The following CPNE8 variants were observed in gnomAD, a reference collection of about 807,000 sequenced individuals.
CPNE8 encodes copine-8.
Under a neutral mutation model 81.5 loss-of-function variants are expected in CPNE8, and 45 were observed. The ratio of observed to expected loss-of-function variants is 0.55; its 90% CI spans 0.44 to 0.71. The LOEUF is 0.71. Ranked by LOEUF, CPNE8 falls within the 30% of genes least tolerant of loss-of-function variation. The pLI, the probability that CPNE8 is intolerant of heterozygous loss-of-function variation, is 0.00. For missense variants in CPNE8, 594 were observed against 672.1 expected, an observed-to-expected ratio of 0.88 and a Z score of 1.28; for synonymous variants, 252 against 226.3, an observed-to-expected ratio of 1.11 and a Z score of -1.02.
chr12:38,837,124 G>C (rs977238130), intron 5 of CPNE8, among the ~76,000 whole-genome samples: 4 of 152,098 alleles, frequency 2.6e-5, no homozygotes, highest in African/African-American at 9.7e-5. Flanking sequence ...CGGTAGAAAA[G>C]TAATGAGAAT....
intron 13 of CPNE8, chr12:38,720,627 G>T (rs1436074751): frequency 1.3e-5 from 2 of 151,916 alleles, no homozygotes; most frequent in African/African-American, 2.4e-5. Flanking sequence ...TATAAAGAAG[G>T]TGCTAAGGGA....
intron 10 of CPNE8, among the ~76,000 whole-genome samples, chr12:38,748,871 T>C (rs997203898): frequency 1.1e-4 from 16 of 152,218 alleles, no homozygotes; most frequent in South Asian, 2.1e-4. Context: ...CAGCATTGGG[T>C]AATATATATT....
At chr12:38,760,949 G>C in intron 9 of CPNE8, 61 bp from the exon 10 acceptor site, 1 of 1,225,368 alleles carries the variant, frequency 8.2e-7, no homozygotes, top group Non-Finnish European at 1.1e-6. Context: ...ATGTATGGTT[G>C]AGAATTTAAA....
chr12:38,803,753 GA>G (rs1942748508), intron 6 of CPNE8, among the ~76,000 whole-genome samples: 1 of 142,588 alleles, frequency 7.0e-6, no homozygotes, highest in Admixed American at 7.2e-5. Flanking sequence ...TGTTTATCTA[GA>G]AAACCCCAAC....
intron 10 of CPNE8, among the ~76,000 whole-genome samples, chr12:38,752,333 A>G (rs1215757890): frequency 2.6e-5 from 4 of 152,230 alleles, no homozygotes; most frequent in African/African-American, 9.6e-5. Flanking sequence ...CAATAAAGCC[A>G]AAGTAAATAT....
upstream of CPNE8, chr12:38,906,740 T>G: frequency 2.6e-6 from 1 of 390,578 alleles, no homozygotes; most frequent in Non-Finnish European, 3.5e-6. Context: ...TCCCCGCGCC[T>G]TCCCTCCTGC....
chr12:38,799,593 A>G (rs1418964304), intron 6 of CPNE8, among the ~76,000 whole-genome samples: 1 of 152,190 alleles, frequency 6.6e-6, no homozygotes, highest in Admixed American at 6.5e-5. Context: ...AAGAGAAAGC[A>G]GGAAAGATCC....
At chr12:38,811,777 C>T (rs1942940493) in intron 6 of CPNE8, among the ~76,000 whole-genome samples, 1 of 152,160 alleles carries the variant, frequency 6.6e-6, no homozygotes, top group African/African-American at 2.4e-5. Context: ...GAGGCTGAGG[C>T]AGGAAGATCT....
chr12:38,800,162 A>C (rs1942623491), intron 6 of CPNE8, among the ~76,000 whole-genome samples: 1 of 120,338 alleles, frequency 8.3e-6, no homozygotes, highest in Admixed American at 9.0e-5. Flanking sequence ...ACCACAACTC[A>C]AGGAGGCCTG....
rs7960616 is a variant in CPNE8 at position 38,702,862 on chromosome 12, T to A, written c.961+13A>T. On this transcript the variant is annotated intron_variant, in intron 14 of 19. Coordinates refer to ENST00000331366, the MANE Select transcript of CPNE8 (RefSeq NM_153634.3). ...GCTGATGATTTTTATCAGGGGATAA[T>A]CAAAACACTCACCGTTTGATGCTGT... The A allele has an allele frequency of 0.41, 610,230 of 1,496,950 alleles. 130,894 individuals are homozygous for A. The highest frequency in any genetic ancestry group is 0.44 in the Non-Finnish European group (489,296 of 1,104,834). The allele number at this position is 1,496,950 out of a possible 1,614,324, so 92.7% of individuals were successfully genotyped here. A position where few individuals can be genotyped will look rare whatever the true frequency, so the allele number is the denominator to read the frequency against.
rs1331802527 is a variant in CPNE8 at position 38,653,565 on chromosome 12, AAC to A, written c.*315_*316del. On this transcript the variant is annotated 3_prime_UTR_variant, in exon 20 of 20. Coordinates refer to ENST00000331366, the MANE Select transcript of CPNE8 (RefSeq NM_153634.3). ...AGTCGAAGACAATATTTGAGTTAAAAACACAGTTTGTGCTTTTTCCCAACAAT... is the reference window on the plus strand; with the variant it reads ...AGTCGAAGACAATATTTGAGTTAAAAACAGTTTGTGCTTTTTCCCAACAAT... The A allele has an allele frequency of 4.3e-5, 10 of 230,136 alleles. No homozygotes were observed. Among genetic ancestry groups the A allele is most frequent in the African/African-American group, 1.4e-4 (6 of 43,920 alleles). 14.3% of individuals were successfully genotyped at this position (230,136 alleles called of 1,614,324 possible). A position where few individuals can be genotyped will look rare whatever the true frequency, so the allele number is the denominator to read the frequency against.
intron 7 of CPNE8, among the ~76,000 whole-genome samples, 194 bp downstream of exon 7, chr12:38,776,044 T>A (rs1276663220): frequency 2.0e-5 from 3 of 152,298 alleles, no homozygotes; most frequent in Non-Finnish European, 2.9e-5. Context: ...TTAAAATAAC[T>A]AATTATACTT....
At chr12:38,785,103 G>T (rs894638613) in intron 6 of CPNE8, among the ~76,000 whole-genome samples, 7 of 150,594 alleles carry the variant, frequency 4.6e-5, no homozygotes, top group Non-Finnish European at 1.0e-4. Flanking sequence ...GCTGAGGCAA[G>T]ATAATCGCTT....
chr12:38,889,268 A>C (rs1363507305), intron 1 of CPNE8, among the ~76,000 whole-genome samples: 2 of 152,212 alleles, frequency 1.3e-5, no homozygotes, highest in East Asian at 3.9e-4. Context: ...TAAATTCATT[A>C]CAAATTAGAG....
intron 6 of CPNE8, among the ~76,000 whole-genome samples, chr12:38,776,846 T>G (rs1941948928): frequency 1.3e-5 from 2 of 152,270 alleles, no homozygotes; most frequent in South Asian, 4.1e-4. Context: ...CACAGAGCAT[T>G]ACTCATGTGT....
intron 13 of CPNE8, among the ~76,000 whole-genome samples, chr12:38,713,325 A>G (rs1246528510): frequency 2.0e-5 from 3 of 152,140 alleles, no homozygotes; most frequent in Admixed American, 1.3e-4. Context: ...TATGAAGAAA[A>G]CAAGCTGTTT....
intron 19 of CPNE8, among the ~76,000 whole-genome samples, chr12:38,656,762 C>T (rs1938830143): frequency 6.6e-6 from 1 of 152,138 alleles, no homozygotes; most frequent in African/African-American, 2.4e-5. Flanking sequence ...GGGGAGCTCT[C>T]AGCAACGTGG....
At chr12:38,713,889 A>T (rs946008998) in intron 13 of CPNE8, among the ~76,000 whole-genome samples, 2 of 152,136 alleles carry the variant, frequency 1.3e-5, no homozygotes, top group African/African-American at 2.4e-5. Flanking sequence ...CAATTTTCTG[A>T]TAAAAGCATA....
At chr12:38,681,589 C>T (rs1043217411) in intron 16 of CPNE8, among the ~76,000 whole-genome samples, 3 of 152,054 alleles carry the variant, frequency 2.0e-5, no homozygotes, top group Non-Finnish European at 4.4e-5. Context: ...TTAACACCTA[C>T]CATCAAATGA....
Sources: gnomAD v4.1 joint callset for allele counts (sites outside exome capture counted in the v4.1 genomes callset) on GRCh38, gnomAD v4.1.1 for gene constraint, MANE v1.5 for transcripts, NCBI Gene and HGNC (gene_info 2026-07-23, HGNC 2026-07-21) for gene names.